The following OR6N1 variants were observed in gnomAD, a reference collection of about 807,000 sequenced individuals.
OR6N1 encodes the protein olfactory receptor 6N1.
For synonymous variants in OR6N1, 170 were observed against 150.7 expected, an observed-to-expected ratio of 1.13 and a Z score of -0.94; for missense variants, 394 against 371.7, an observed-to-expected ratio of 1.06 and a Z score of -0.49.
chr1:158,768,239 C>T (rs1352433709), intron 1 of OR6N1, among the ~76,000 whole-genome samples: 7 of 151,994 alleles, frequency 4.6e-5, no homozygotes, highest in Admixed American at 2.0e-4. Flanking sequence ...GTGTTGAAGA[C>T]ATCTAAATCC....
At chr1:158,776,618 G>A (rs1444449375), upstream of OR6N1, 3 of 884,174 alleles carry the variant, frequency 3.4e-6, no homozygotes, top group Non-Finnish European at 5.3e-6. Context: ...TGTGATGATG[G>A]GAAGATTACT....
At chr1:158,816,516 C>A in the OR6N1 span, among the ~76,000 whole-genome samples, 3 of 152,074 alleles carry the variant, frequency 2.0e-5, no homozygotes, top group Non-Finnish European at 1.5e-5. Flanking sequence ...AAAGCAAGAC[C>A]CTGTCCTTAT....
upstream of OR6N1, chr1:158,776,925 G>A (rs1657613444): frequency 6.2e-7 from 1 of 1,613,912 alleles, no homozygotes; most frequent in Non-Finnish European, 8.5e-7. Flanking sequence ...AGGTAGAAAA[G>A]GCCTTCTTTC....
the OR6N1 span, among the ~76,000 whole-genome samples, chr1:158,836,642 G>A: frequency 6.6e-6 from 1 of 151,430 alleles, no homozygotes; most frequent in East Asian, 1.9e-4. Flanking sequence ...TTAAAGTTCT[G>A]TCAGTATTAT....
chr1:158,799,336 A>G, the OR6N1 span, among the ~76,000 whole-genome samples: 2 of 152,338 alleles, frequency 1.3e-5, no homozygotes, highest in South Asian at 4.1e-4. Flanking sequence ...ATACCTTCCC[A>G]ATAATTACTC....
the OR6N1 span, among the ~76,000 whole-genome samples, chr1:158,819,363 A>G: frequency 6.6e-6 from 1 of 152,162 alleles, no homozygotes; most frequent in South Asian, 2.1e-4. Flanking sequence ...CACTGTGGAG[A>G]TGTAGATTGG....
the OR6N1 span, among the ~76,000 whole-genome samples, chr1:158,800,343 A>G: frequency 1.3e-5 from 2 of 152,310 alleles, no homozygotes; most frequent in Non-Finnish European, 2.9e-5. Context: ...AAAAAAAATC[A>G]AGGATTTGAT....
At chr1:158,779,982 C>T in the OR6N1 span, among the ~76,000 whole-genome samples, 1 of 152,154 alleles carries the variant, frequency 6.6e-6, no homozygotes, top group Non-Finnish European at 1.5e-5. Context: ...GAACAGTAGG[C>T]ATAGAATTGT....
At chr1:158,824,574 C>T in the OR6N1 span, among the ~76,000 whole-genome samples, 2 of 152,024 alleles carry the variant, frequency 1.3e-5, no homozygotes, top group Non-Finnish European at 2.9e-5. Context: ...TTCTTCTAGG[C>T]CCATTTGAAT....
At chr1:158,837,579 C>G in the OR6N1 span, among the ~76,000 whole-genome samples, 1 of 151,660 alleles carries the variant, frequency 6.6e-6, no homozygotes, top group Non-Finnish European at 1.5e-5. Flanking sequence ...CACTTTCTAT[C>G]TTTGTCCTTA....
chr1:158,782,875 A>T, the OR6N1 span, among the ~76,000 whole-genome samples: 978 of 152,222 alleles, frequency 6.4e-3, 2 homozygotes, highest in Non-Finnish European at 0.01. Flanking sequence ...ATTCTTTGAG[A>T]ACATCATGAG....
Position 158,766,583 on chromosome 1 carries a change from T to C in OR6N1, c.100A>G (p.Ile34Val). 6.2e-7 allele frequency: 1 copy of C among 1,613,156 alleles called. No homozygotes were observed. The highest frequency in any genetic ancestry group is 2.2e-5 in the East Asian group (1 of 44,850). The part of the protein sequence containing the change: ...QIYLFLLLLL[I>V]YLMTVLGNLL... The stretch of plus-strand genomic sequence containing the variant: ...TTTCCCAACACAGTCATGAGGTAAA[T>C]GAGAAGCAACAAGAGGAAGAGATAA... Residue 34 changes from isoleucine to valine, a missense_variant, in exon 2 of 2, where the codon ATT becomes GTT. Transcript: ENST00000641846.
chr1:158,784,407 C>T, the OR6N1 span, among the ~76,000 whole-genome samples: 3 of 152,254 alleles, frequency 2.0e-5, no homozygotes, highest in South Asian at 6.2e-4. Context: ...ATATTTGTAA[C>T]ATTTCTTTAT....
At chr1:158,838,021 A>G in the OR6N1 span, among the ~76,000 whole-genome samples, 1 of 151,914 alleles carries the variant, frequency 6.6e-6, no homozygotes, top group Admixed American at 6.6e-5. Context: ...TTATGTTAAT[A>G]TTACAAATTG....
the OR6N1 span, among the ~76,000 whole-genome samples, chr1:158,829,932 A>C: frequency 6.6e-6 from 1 of 152,270 alleles, no homozygotes; most frequent in African/African-American, 2.4e-5. Flanking sequence ...CCCATTTTTT[A>C]AAAACTATTT....
the OR6N1 span, among the ~76,000 whole-genome samples, chr1:158,786,476 C>A: frequency 2.0e-5 from 3 of 152,154 alleles, no homozygotes; most frequent in African/African-American, 7.2e-5. Context: ...ACCATTCAAT[C>A]CAGCAATCCC....
Position 158,766,654 on chromosome 1 carries a change from G to T in OR6N1, c.29C>A (p.Ala10Glu). 1 of 1,612,458 alleles carries T rather than the reference G, an allele frequency of 6.2e-7. No individual in the cohort carries two copies. The highest frequency in any genetic ancestry group is 8.5e-7 in the Non-Finnish European group (1 of 1,179,628). Reference sequence around the variant, plus strand: ...GGGGAAGCCCAAGATGATGAATTCTGCTACCTGGCTCCAGTTCCCTGTGTC... The same window carrying T: ...GGGGAAGCCCAAGATGATGAATTCTTCTACCTGGCTCCAGTTCCCTGTGTC... MDTGNWSQV[A>E]EFIILGFPHL... The change falls in exon 2 of 2, where the codon GCA becomes GAA. Residue 10 changes from alanine (A) to glutamate (E), a missense_variant. Coordinates refer to ENST00000641846, the MANE Select transcript of OR6N1 (RefSeq NM_001005185.2).
intron 1 of OR6N1, among the ~76,000 whole-genome samples, chr1:158,770,260 C>T (rs1308116332): frequency 1.3e-5 from 2 of 152,186 alleles, no homozygotes; most frequent in African/African-American, 2.4e-5. Flanking sequence ...TATCATCACT[C>T]ATTAATGACC....
At chr1:158,805,620 T>C in the OR6N1 span, among the ~76,000 whole-genome samples, 2,266 of 152,110 alleles carry the variant, frequency 0.015, 56 homozygotes, top group African/African-American at 0.051. Context: ...AAAGATGACC[T>C]GAACTTTATG....
Sources: gnomAD v4.1 joint callset for allele counts (sites outside exome capture counted in the v4.1 genomes callset) on GRCh38, gnomAD v4.1.1 for gene constraint, MANE v1.5 for transcripts, NCBI Gene and HGNC (gene_info 2026-07-23, HGNC 2026-07-21) for gene names.